PUS3: variants seen among roughly 807,000 people sequenced by gnomAD.
PUS3 encodes the protein tRNA pseudouridine(38/39) synthase.
Under a neutral mutation model 43.3 loss-of-function variants are expected in PUS3, and 36 were observed. That is an observed-to-expected ratio of 0.83 (90% CI 0.64 to 1.10). The LOEUF is 1.10. Among genes scored for constraint, PUS3 ranks in the 50% least tolerant of loss-of-function variants. The pLI, the probability that PUS3 is intolerant of heterozygous loss-of-function variation, is 0.00. For synonymous variants in PUS3, 183 were observed against 199.2 expected (o/e 0.92, Z 0.69); for missense variants, 544 against 589.9 (o/e 0.92, Z 0.81).
At position 125,900,675 on chromosome 11, in the gene PUS3, T is replaced by C. The variant is rs188302645; in HGVS notation, c.-47+2495A>G. 5.1e-4 allele frequency: 130 copies of C among 256,710 alleles called. 1 individual carries two copies. Among genetic ancestry groups the C allele is most frequent in the African/African-American group, 2.8e-3 (118 of 42,772 alleles). The allele number at this position is 256,710 out of a possible 1,614,324, so 15.9% of individuals were successfully genotyped here. A position where few individuals can be genotyped will look rare whatever the true frequency, so the allele number is the denominator to read the frequency against. On this transcript the variant is annotated intron_variant, in intron 1 of 3. Transcript: ENST00000227474. ...ACTTGAACATTATTTCATGAAATACTTGCCTAAGATGATCTTGAACCTGGG... is the reference window on the plus strand; with the variant it reads ...ACTTGAACATTATTTCATGAAATACCTGCCTAAGATGATCTTGAACCTGGG...
Position 125,894,791 on chromosome 11 carries a change from T to C in PUS3, c.944+433A>G, listed in dbSNP as rs559437687. 7.4e-4 allele frequency among the ~76,000 whole-genome samples: 113 copies of C among 152,332 alleles called. No homozygotes were observed. In the South Asian group the frequency reaches 0.014, roughly 20 times the overall value. On this transcript the variant is annotated intron_variant, in intron 3 of 3. Coordinates refer to ENST00000227474, the MANE Select transcript of PUS3 (RefSeq NM_031307.4). ...TATGAATAGTTTGTTCATTTTAATT[T>C]TACCACATCCTAACAGTAATACCTC...
intron 1 of PUS3, chr11:125,899,598 T>A: frequency 6.2e-7 from 1 of 1,614,124 alleles, no homozygotes; most frequent in Non-Finnish European, 8.5e-7. Flanking sequence ...GAAAGTAATG[T>A]CCCTTCAGAA....
At position 125,895,921 on chromosome 11, in the gene PUS3, T is replaced by C; in HGVS notation, c.364A>G (p.Ser122Gly). 2 of 1,613,154 alleles carry C rather than the reference T, an allele frequency of 1.2e-6. No individual in the cohort carries two copies. The highest frequency in any genetic ancestry group is 8.5e-7 in the Non-Finnish European group (1 of 1,179,994). The change falls in exon 2 of 4, where the codon AGT becomes GGT. Residue 122 changes from serine to glycine, a missense_variant. Physicochemically the swap from Ser to Gly is moderately conservative, Grantham distance 56 (BLOSUM62 0). Transcript: ENST00000227474. ...HRCGRTDKGV[S>G]AFGQVISLDL... is the part of the protein sequence containing the mutation. ...TTGGCCCTTACCTGTCCAAAGGCAC[T>C]AACTCCTTTATCTGTTCTCCCACAT...
intron 1 of PUS3, among the ~76,000 whole-genome samples, chr11:125,901,933 T>C (rs1206041951): frequency 6.6e-6 from 1 of 152,182 alleles, no homozygotes; most frequent in Non-Finnish European, 1.5e-5. Flanking sequence ...GTAATTTGTA[T>C]TTATACCTCG....
At position 125,893,805 on chromosome 11, in the gene PUS3, C is replaced by G; in HGVS notation, c.1426G>C (p.Glu476Gln). Reference sequence around the variant, plus strand: ...TATGGTTAAATGATGCTTTTAATTTCTGTGTCAACACAGACCCTCTTCGTT... The same window carrying G: ...TATGGTTAAATGATGCTTTTAATTTGTGTGTCAACACAGACCCTCTTCGTT... ...TPTKRVCVDT[E>Q]IKSII is the part of the protein sequence containing the mutation. Residue 476 changes from glutamate to glutamine, a missense_variant, in exon 4 of 4, where the codon GAA becomes CAA. Transcript: ENST00000227474. The G allele has an allele frequency of 1.2e-6, 2 of 1,607,296 alleles. No homozygotes were observed. The highest frequency in any genetic ancestry group is 1.7e-6 in the Non-Finnish European group (2 of 1,176,378).
At chr11:125,899,648 A>G (rs1565457038) in intron 1 of PUS3, 1 of 1,614,240 alleles carries the variant, frequency 6.2e-7, no homozygotes, top group South Asian at 1.1e-5. Context: ...AAAGCCAGTG[A>G]TGAAGAGAAA....
At chr11:125,899,234 C>T (rs1944682148) in intron 1 of PUS3, 6 of 736,216 alleles carry the variant, frequency 8.1e-6, no homozygotes, top group Admixed American at 2.5e-5. Flanking sequence ...TTTATGATGG[C>T]CTTAGCCATT....
At chr11:125,897,307 C>CT (rs1424713482) in intron 1 of PUS3, among the ~76,000 whole-genome samples, 2 of 151,998 alleles carry the variant, frequency 1.3e-5, no homozygotes, top group African/African-American at 4.8e-5. Flanking sequence ...CATGGAATGA[C>CT]TTTTTTCTGA....
intron 1 of PUS3, among the ~76,000 whole-genome samples, chr11:125,902,372 G>A (rs1259524593): frequency 6.6e-6 from 1 of 151,308 alleles, no homozygotes; most frequent in Admixed American, 6.6e-5. Context: ...AGACGGGGTG[G>A]TGGCGGGGGG....
intron 3 of PUS3, among the ~76,000 whole-genome samples, chr11:125,894,857 G>C (rs192769247): frequency 3.9e-5 from 6 of 152,254 alleles, no homozygotes; most frequent in Admixed American, 2.6e-4. Context: ...AGAAATTAAT[G>C]TCTTTTTACT....
At chr11:125,897,778 A>C (rs542853491) in intron 1 of PUS3, among the ~76,000 whole-genome samples, 2 of 152,332 alleles carry the variant, frequency 1.3e-5, no homozygotes, top group African/African-American at 2.4e-5. Flanking sequence ...GCTTCTTTGG[A>C]GGTAAACATT....
Position 125,896,127 on chromosome 11 carries a change from C to T in PUS3, c.158G>A (p.Arg53His), listed in dbSNP as rs117878071. The T allele has an allele frequency of 4.8e-3, 7,709 of 1,614,160 alleles. 21 individuals carry two copies. The highest frequency in any genetic ancestry group is 5.9e-3 in the Non-Finnish European group (7,009 of 1,180,004). The stretch of plus-strand genomic sequence containing the variant: ...GCCATGAGCACTGAAATCAAATGCA[C>T]GCTTAGTTTTTCCAGCTCCTGCTGA... ...ENSAGAGKTK[R>H]AFDFSAHGRR... is the part of the protein sequence containing the mutation. The change falls in exon 2 of 4, where the codon CGT (arginine) becomes CAT (histidine). Residue 53 changes from arginine (R) to histidine (H), a missense_variant. Physicochemically the swap from Arg to His is conservative, Grantham distance 29. Transcript: ENST00000227474.
intron 1 of PUS3, among the ~76,000 whole-genome samples, chr11:125,901,433 A>G (rs1219031675): frequency 6.6e-6 from 1 of 152,174 alleles, no homozygotes; most frequent in Non-Finnish European, 1.5e-5. Context: ...TTAAATTGTA[A>G]TTTATCTGTT....
intron 1 of PUS3, among the ~76,000 whole-genome samples, chr11:125,897,969 T>A (rs1206747022): frequency 6.6e-6 from 1 of 152,212 alleles, no homozygotes; most frequent in Non-Finnish European, 1.5e-5. Context: ...ACTAAATTTA[T>A]GATACATTCA....
intron 3 of PUS3, 92 bp from the exon 4 acceptor site, chr11:125,894,378 G>A: frequency 9.9e-7 from 1 of 1,005,734 alleles, no homozygotes; most frequent in South Asian, 1.6e-5. Context: ...AAGGGAGCCG[G>A]GTAGGGCGCC....
chr11:125,902,336 T>C (rs901193547), intron 1 of PUS3, among the ~76,000 whole-genome samples: 191 of 136,512 alleles, frequency 1.4e-3, no homozygotes, highest in African/African-American at 4.5e-3. Flanking sequence ...GGCTCACGCC[T>C]GTCATCCCAA....
In PUS3 at chr11:125,900,087, G is replaced by T. The variant is rs774767470; in HGVS notation, c.-47+3083C>A. 2.1e-5 allele frequency: 34 copies of T among 1,614,194 alleles called. No individual in the cohort carries two copies. In the South Asian group the frequency reaches 3.5e-4, roughly 17 times the overall value. ...GATCATAGAAAGGAATTACGCTGGGGTGTCCGAGAGCAGATGCTTTGTCGA... is the reference window on the plus strand; with the variant it reads ...GATCATAGAAAGGAATTACGCTGGGTTGTCCGAGAGCAGATGCTTTGTCGA... On this transcript the variant is annotated intron_variant, in intron 1 of 3. Transcript: ENST00000227474.
rs1944585177 is a variant in PUS3 at position 125,896,227 on chromosome 11, C to T, written c.58G>A (p.Glu20Lys). The T allele has an allele frequency of 6.2e-7, 1 of 1,613,996 alleles. No individual in the cohort carries two copies. Among genetic ancestry groups the T allele is most frequent in the Non-Finnish European group, 8.5e-7 (1 of 1,179,928 alleles). Residue 20 changes from glutamate (E) to lysine (K), a missense_variant, in exon 2 of 4, where the codon GAA becomes AAA. Coordinates refer to ENST00000227474, the MANE Select transcript of PUS3 (RefSeq NM_031307.4). ...AGTCTTTGCACCTCTTGCTCCAGTT[C>T]TCGTACTCTTTTTAGGAGCTTCTCA... ...QTEKLLKRVRELEQEVQRLKK... is the reference protein window; with the variant it reads ...QTEKLLKRVRKLEQEVQRLKK...
chr11:125,902,599 TAA>T (rs55792535), intron 1 of PUS3, among the ~76,000 whole-genome samples: 7 of 117,316 alleles, frequency 6.0e-5, no homozygotes, highest in Admixed American at 9.5e-5. Flanking sequence ...GCGACAGTCT[TAA>T]AAAAAAAAAA....
Sources: allele counts gnomAD v4.1 joint callset (sites outside exome capture counted in the v4.1 genomes callset), GRCh38; gene constraint gnomAD v4.1.1; transcripts MANE v1.5; gene names NCBI Gene and HGNC (gene_info 2026-07-23, HGNC 2026-07-21).